The following CLDN14 variants were observed in gnomAD, a reference collection of about 807,000 sequenced individuals.
CLDN14 encodes claudin 14.
In CLDN14, 2 loss-of-function variants were observed where a neutral mutation model predicts 2.1. The ratio of observed to expected loss-of-function variants is 0.96; its 90% CI spans 0.39 to 3.01. The LOEUF (loss-of-function observed/expected upper bound fraction) is 3.01. Ranked by LOEUF, CLDN14 falls within the 30% of genes most tolerant of loss-of-function variation. The pLI, the probability that CLDN14 is intolerant of heterozygous loss-of-function variation, is 0.09. For missense variants in CLDN14, 298 were observed against 328.0 expected, an observed-to-expected ratio of 0.91 and a Z score of 0.71; for synonymous variants, 136 against 154.4, an observed-to-expected ratio of 0.88 and a Z score of 0.88.
At chr21:36,522,614 G>A (rs566382079) in intron 1 of CLDN14, among the ~76,000 whole-genome samples, 28 of 152,344 alleles carry the variant, frequency 1.8e-4, no homozygotes, top group African/African-American at 5.3e-4. Flanking sequence ...ATGCAGATGC[G>A]CGGGGGAGGT....
chr21:36,510,380 CAA>C (rs59563067), exon 2 of CLDN14: 25 of 152,366 alleles, frequency 1.6e-4, no homozygotes, highest in African/African-American at 6.0e-4. Flanking sequence ...ATCAGGAAAA[CAA>C]GAGGCCATAT....
chr21:36,470,069 A>C (rs1601594718), intron 1 of CLDN14, among the ~76,000 whole-genome samples: 1 of 152,184 alleles, frequency 6.6e-6, no homozygotes, highest in African/African-American at 2.4e-5. Context: ...ACAATACCCC[A>C]AAAAACCCAG....
intron 1 of CLDN14, among the ~76,000 whole-genome samples, chr21:36,543,166 A>G (rs1376737656): frequency 6.6e-6 from 1 of 152,168 alleles, no homozygotes; most frequent in East Asian, 1.9e-4. Context: ...CCTCTGGGGT[A>G]GAGGGACCCC....
chr21:36,519,407 C>T (rs921517100), intron 1 of CLDN14, among the ~76,000 whole-genome samples: 8 of 152,170 alleles, frequency 5.3e-5, no homozygotes, highest in African/African-American at 1.9e-4. Flanking sequence ...GAAACCCTGT[C>T]TCTACTAAAA....
At chr21:36,537,404 T>C (rs1285460291) in intron 1 of CLDN14, among the ~76,000 whole-genome samples, 1 of 152,178 alleles carries the variant, frequency 6.6e-6, no homozygotes, top group African/African-American at 2.4e-5. Flanking sequence ...GATCCTGCTT[T>C]ATTTTTTATT....
rs59126027 is a variant in CLDN14, at chr21:36,498,194, T to A, written c.-82+12169A>T. 6.6e-6 allele frequency among the ~76,000 whole-genome samples: 1 copy of A among 151,988 alleles called. No individual in the cohort carries two copies. Reference sequence around the variant, plus strand: ...TTTTGTATTCTTAGTAGAGATGGGGTTTTGCCATATTGGCCAGGCTGGTGT... The same window carrying A: ...TTTTGTATTCTTAGTAGAGATGGGGATTTGCCATATTGGCCAGGCTGGTGT... On this transcript the variant is annotated intron_variant, in intron 2 of 2. Coordinates refer to the CLDN14 transcript ENST00000342108. The surrounding 1 kb of genome is among the most constrained non-coding windows in gnomAD (Gnocchi z 4.9).
At chr21:36,570,060 A>C (rs1431337809) in intron 1 of CLDN14, among the ~76,000 whole-genome samples, 1 of 152,220 alleles carries the variant, frequency 6.6e-6, no homozygotes, top group African/African-American at 2.4e-5. Flanking sequence ...TATTAATACC[A>C]GTAAGACGTA....
At chr21:36,491,413 T>C (rs1314264388) in intron 2 of CLDN14, among the ~76,000 whole-genome samples, 1 of 152,178 alleles carries the variant, frequency 6.6e-6, no homozygotes, top group Non-Finnish European at 1.5e-5. Flanking sequence ...CGGCGAGGAA[T>C]GTAGTGCGTG....
intron 2 of CLDN14, among the ~76,000 whole-genome samples, chr21:36,492,067 C>T (rs992576725): frequency 2.6e-5 from 4 of 151,166 alleles, no homozygotes; most frequent in Non-Finnish European, 1.5e-5. Context: ...ACTTTGGGAG[C>T]TTGAGGTGGG....
intron 2 of CLDN14, among the ~76,000 whole-genome samples, chr21:36,496,001 C>G (rs182979469): frequency 6.6e-6 from 1 of 152,344 alleles, no homozygotes; most frequent in Non-Finnish European, 1.5e-5. Context: ...GCTTCAGAGA[C>G]AGCATGGTCC....
intron 1 of CLDN14, among the ~76,000 whole-genome samples, chr21:36,463,440 G>A (rs1172480309): frequency 1.3e-5 from 2 of 152,216 alleles, no homozygotes; most frequent in East Asian, 1.9e-4. Context: ...ATCGGGGCTC[G>A]GCGGCTCACG....
intron 1 of CLDN14, among the ~76,000 whole-genome samples, chr21:36,468,281 T>G (rs1220950817): frequency 6.6e-6 from 1 of 152,174 alleles, no homozygotes; most frequent in East Asian, 1.9e-4. Flanking sequence ...TTTAGCTATT[T>G]CATAAATGCT....
chr21:36,512,369 G>C (rs778370891), intron 1 of CLDN14, among the ~76,000 whole-genome samples: 1 of 152,190 alleles, frequency 6.6e-6, no homozygotes, highest in Non-Finnish European at 1.5e-5. Context: ...GTAAGGGAGA[G>C]GGAATCTTTC....
intron 2 of CLDN14, among the ~76,000 whole-genome samples, chr21:36,488,890 A>C (rs1324125060): frequency 6.6e-6 from 1 of 151,822 alleles, no homozygotes; most frequent in East Asian, 1.9e-4. Context: ...GCACTTTGGG[A>C]GGCTGAGGTG....
chr21:36,483,118 C>T (rs1390675815), upstream of CLDN14, among the ~76,000 whole-genome samples: 1 of 152,224 alleles, frequency 6.6e-6, no homozygotes, highest in Non-Finnish European at 1.5e-5. Flanking sequence ...GGGCTCCTAC[C>T]ACTACGCTGC....
chr21:36,492,440 C>CAAAAAAAAAA lies in CLDN14; in HGVS notation c.-82+17913_-82+17922dup, dbSNP rs58666814. On this transcript the variant is annotated intron_variant, in intron 2 of 2. Coordinates refer to the CLDN14 transcript ENST00000342108. The stretch of plus-strand genomic sequence containing the variant: ...TGGGCGACAGAGCGAGACTCCGTCC[C>CAAAAAAAAAA]AAAAAAAAAAAAAAAAAAAAAAAAA... Among the ~76,000 whole-genome samples, 3 of 67,906 alleles carry CAAAAAAAAAA rather than the reference C, an allele frequency of 4.4e-5. 1 individual carries two copies. Among genetic ancestry groups the CAAAAAAAAAA allele is most frequent in the Non-Finnish European group, 7.5e-5 (3 of 40,206 alleles). 44.5% of individuals were successfully genotyped at this position (67,906 alleles called of 152,430 possible).
At chr21:36,509,419 T>C (rs1475860599) in intron 2 of CLDN14, among the ~76,000 whole-genome samples, 2 of 152,152 alleles carry the variant, frequency 1.3e-5, no homozygotes, top group Non-Finnish European at 1.5e-5. Flanking sequence ...ATGAAAATTT[T>C]TGGCCCAGAG....
chr21:36,461,876 G>T, intron 1 of CLDN14, 100 bp from the exon 2 acceptor site: 1 of 755,044 alleles, frequency 1.3e-6, no homozygotes, highest in Non-Finnish European at 2.1e-6. Flanking sequence ...TTTTTCATAG[G>T]TGGTTGGTGT....
At chr21:36,537,346 T>C (rs1306444898) in intron 1 of CLDN14, among the ~76,000 whole-genome samples, 6 of 152,174 alleles carry the variant, frequency 3.9e-5, no homozygotes, top group African/African-American at 9.7e-5. Flanking sequence ...CTGTTCTAGA[T>C]TGAAGTTGAT....
Sources: allele counts gnomAD v4.1 joint callset (sites outside exome capture counted in the v4.1 genomes callset), GRCh38; gene constraint gnomAD v4.1.1; non-coding constraint Gnocchi (gnomAD v3.1); transcripts MANE v1.5; gene names NCBI Gene and HGNC (gene_info 2026-07-23, HGNC 2026-07-21).